Variants in ANKIB1 observed in about 807,000 individuals in gnomAD.
ANKIB1 encodes ankyrin repeat and IBR domain containing 1, also known as ankyrin repeat and IBR domain-containing protein 1.
ANKIB1 carries 43 observed loss-of-function variants against 122.1 expected under a neutral mutation model. That is an observed-to-expected ratio of 0.35 (90% CI 0.28 to 0.45). The LOEUF (loss-of-function observed/expected upper bound fraction) is 0.45, where lower values mean the gene tolerates loss of function less well. Ranked by LOEUF, ANKIB1 falls within the 20% of genes least tolerant of loss-of-function variation. The pLI is 1.00. For missense variants in ANKIB1, 992 were observed against 1,329.5 expected (o/e 0.75, Z 3.95); for synonymous variants, 390 against 442.0 (o/e 0.88, Z 1.48).
chr7:92,261,815 A>G (rs1009429192), intron 1 of ANKIB1, among the ~76,000 whole-genome samples: 2 of 152,220 alleles, frequency 1.3e-5, no homozygotes, highest in Non-Finnish European at 1.5e-5. Flanking sequence ...CATATGCTTC[A>G]GATATTTCAT....
chr7:92,256,319 C>T (rs1054879964), intron 1 of ANKIB1, among the ~76,000 whole-genome samples: 1 of 152,158 alleles, frequency 6.6e-6, no homozygotes, highest in African/African-American at 2.4e-5. Flanking sequence ...TGGACAAGAT[C>T]AGATTTGCCT....
chr7:92,365,382 A>G (rs1804048640), intron 10 of ANKIB1, among the ~76,000 whole-genome samples: 1 of 152,238 alleles, frequency 6.6e-6, no homozygotes, highest in Non-Finnish European at 1.5e-5. Context: ...AGAATAGGAA[A>G]GACATTCCAG....
At chr7:92,290,580 T>TA (rs1319024070) in intron 1 of ANKIB1, among the ~76,000 whole-genome samples, 1 of 152,186 alleles carries the variant, frequency 6.6e-6, no homozygotes, top group African/African-American at 2.4e-5. Context: ...GGGAATCAGT[T>TA]ATATACTTTT....
chr7:92,317,840 C>T (rs1216886532), intron 3 of ANKIB1, among the ~76,000 whole-genome samples: 1 of 152,168 alleles, frequency 6.6e-6, no homozygotes, highest in Admixed American at 6.5e-5. Flanking sequence ...TAAAAAGAAG[C>T]TACCATTTTG....
At chr7:92,292,586 A>G (rs1439127956) in intron 1 of ANKIB1, among the ~76,000 whole-genome samples, 1 of 152,208 alleles carries the variant, frequency 6.6e-6, no homozygotes. Context: ...ATCAAGGACC[A>G]AAACAACTGA....
intron 1 of ANKIB1, among the ~76,000 whole-genome samples, chr7:92,254,303 T>A (rs1432769530): frequency 6.6e-6 from 1 of 152,200 alleles, no homozygotes; most frequent in African/African-American, 2.4e-5. Context: ...AAACCTTAAC[T>A]GTGTTCATTT....
At chr7:92,292,537 C>A (rs958816555) in intron 1 of ANKIB1, among the ~76,000 whole-genome samples, 1 of 151,882 alleles carries the variant, frequency 6.6e-6, no homozygotes, top group East Asian at 1.9e-4. Flanking sequence ...TTAATCTAAT[C>A]CAGAACTTTG....
At chr7:92,293,020 TATA>T in intron 1 of ANKIB1, among the ~76,000 whole-genome samples, 1 of 152,218 alleles carries the variant, frequency 6.6e-6, no homozygotes, top group Non-Finnish European at 1.5e-5. Context: ...CCTCATTACA[TATA>T]GTAGTGGGCC....
chr7:92,295,286 T>A, intron 2 of ANKIB1, 120 bp downstream of exon 2: 1 of 612,816 alleles, frequency 1.6e-6, no homozygotes. Context: ...ACATGATATA[T>A]ATACAAACAT....
chr7:92,364,979 A>G (rs1490617152), intron 10 of ANKIB1, among the ~76,000 whole-genome samples: 54 of 152,214 alleles, frequency 3.5e-4, no homozygotes. Flanking sequence ...CTTACAGAAC[A>G]TATGTGTGGA....
At chr7:92,314,662 T>C (rs1434930264) in intron 3 of ANKIB1, among the ~76,000 whole-genome samples, 3 of 152,244 alleles carry the variant, frequency 2.0e-5, no homozygotes, top group Admixed American at 6.5e-5. Flanking sequence ...TACAGTCCCC[T>C]CTCCATATCT....
Position 92,397,846 on chromosome 7 carries a change from A to G in ANKIB1, c.2519A>G (p.Gln840Arg), listed in dbSNP as rs374623902. ...DYTPASRSEN[Q>R]DSLQALSSLD... ...ACCCCTGCCAGTCGCTCTGAAAACC[A>G]GGACTCTCTTCAGGTAGCCTTTCTG... is the stretch of plus-strand genomic sequence containing the variant. The change falls in exon 19 of 20, where the codon CAG becomes CGG. Residue 840 changes from glutamine (Q) to arginine (R), a missense_variant. Gln to Arg is a conservative substitution (Grantham distance 43, BLOSUM62 1). This residue lies in a region of ANKIB1 where 384 missense variants were observed against 412.0 expected (regional missense o/e 0.93). Transcript: ENST00000265742. 9 of 1,607,972 alleles carry G rather than the reference A, an allele frequency of 5.6e-6. No individual in the cohort carries two copies. Among genetic ancestry groups the G allele is most frequent in the Non-Finnish European group, 7.6e-6 (9 of 1,178,244 alleles).
intron 10 of ANKIB1, among the ~76,000 whole-genome samples, chr7:92,371,076 A>G (rs1562795303): frequency 6.6e-6 from 1 of 151,916 alleles, no homozygotes; most frequent in African/African-American, 2.4e-5. Flanking sequence ...TGATCATTAT[A>G]TTTGCATCTG....
chr7:92,397,951 C>A, intron 19 of ANKIB1, 92 bp downstream of exon 19: 1 of 1,458,910 alleles, frequency 6.9e-7, no homozygotes. Context: ...TTTCCTATTT[C>A]TTCCTTCCAT....
At chr7:92,261,335 C>T (rs1397577368) in intron 1 of ANKIB1, among the ~76,000 whole-genome samples, 1 of 137,010 alleles carries the variant, frequency 7.3e-6, no homozygotes, top group Non-Finnish European at 1.5e-5. Flanking sequence ...GGCGACAGAG[C>T]GAGACTCCGT....
chr7:92,362,387 G>A, intron 10 of ANKIB1, 114 bp downstream of exon 10: 1 of 898,570 alleles, frequency 1.1e-6, no homozygotes. Context: ...GTTAATGCAA[G>A]TGCTCTCCTG....
At chr7:92,362,821 T>C (rs1186123867) in intron 10 of ANKIB1, among the ~76,000 whole-genome samples, 1 of 152,206 alleles carries the variant, frequency 6.6e-6, no homozygotes, top group East Asian at 1.9e-4. Context: ...AATCCTGTTT[T>C]ACAGAGGAAA....
At chr7:92,274,868 A>G (rs1290076797) in intron 1 of ANKIB1, among the ~76,000 whole-genome samples, 1 of 152,190 alleles carries the variant, frequency 6.6e-6, no homozygotes, top group African/African-American at 2.4e-5. Flanking sequence ...TGAAGACTGC[A>G]GTGAGCTGTG....
chr7:92,340,861 C>T (rs1803422607), intron 5 of ANKIB1, among the ~76,000 whole-genome samples: 1 of 152,128 alleles, frequency 6.6e-6, no homozygotes, highest in Non-Finnish European at 1.5e-5. Flanking sequence ...GGCCAACAAA[C>T]ACATCAAACA....
Sources: allele counts gnomAD v4.1 joint callset (sites outside exome capture counted in the v4.1 genomes callset), GRCh38; gene constraint gnomAD v4.1.1; regional missense constraint gnomAD v4.1.1; transcripts MANE v1.5; gene names NCBI Gene and HGNC (gene_info 2026-07-23, HGNC 2026-07-21).